DYSF: variants seen among roughly 807,000 people sequenced by gnomAD.
DYSF encodes the protein dysferlin, also known as dystrophy-associated fer-1-like 1.
Under a neutral mutation model 274.9 loss-of-function variants are expected in DYSF, and 212 were observed. That is an observed-to-expected ratio of 0.77 (90% CI 0.69 to 0.86). DYSF has a LOEUF of 0.86. Among genes scored for constraint, DYSF ranks in the 40% least tolerant of loss-of-function variants. DYSF has a pLI of 0.00. For missense variants in DYSF, 2,666 were observed against 2,783.2 expected (o/e 0.96, Z 0.95); for synonymous variants, 1,091 against 1,078.7 (o/e 1.01, Z -0.22).
At chr2:71,553,553 G>A (rs1387061492) in intron 20 of DYSF, among the ~76,000 whole-genome samples, 1 of 152,168 alleles carries the variant, frequency 6.6e-6, no homozygotes, top group Admixed American at 6.5e-5. Flanking sequence ...AGCTGCAGCT[G>A]TCTGCTCAAC....
At chr2:71,670,928 A>G (rs532400113) in intron 51 of DYSF, among the ~76,000 whole-genome samples, 76 of 152,262 alleles carry the variant, frequency 5.0e-4, no homozygotes, top group African/African-American at 1.8e-3. Flanking sequence ...CCTCTCTGGC[A>G]TCTAGATTCT....
chr2:71,633,212 G>A (rs560912377), intron 41 of DYSF, among the ~76,000 whole-genome samples: 5 of 152,284 alleles, frequency 3.3e-5, no homozygotes, highest in African/African-American at 4.8e-5. Context: ...GCTTTGGGGG[G>A]CATAAGTGAT....
intron 22 of DYSF, among the ~76,000 whole-genome samples, chr2:71,557,193 A>G (rs2091401776): frequency 6.6e-6 from 1 of 152,176 alleles, no homozygotes; most frequent in African/African-American, 2.4e-5. Flanking sequence ...TGGGCAGAGG[A>G]GGTAAAGTGC....
At chr2:71,617,686 TG>T (rs2093921206) in intron 40 of DYSF, among the ~76,000 whole-genome samples, 2 of 104,734 alleles carry the variant, frequency 1.9e-5, no homozygotes, top group African/African-American at 3.9e-5. Flanking sequence ...GTGGTAGAGG[TG>T]GGGTGTGTGC....
intron 1 of DYSF, among the ~76,000 whole-genome samples, chr2:71,459,897 C>T (rs1325169159): frequency 6.6e-6 from 1 of 152,138 alleles, no homozygotes; most frequent in Non-Finnish European, 1.5e-5. Context: ...CCCCGAAACA[C>T]TGCAATAAGC....
intron 53 of DYSF, 113 bp downstream of exon 53, chr2:71,679,348 C>T (rs2095266852): frequency 1.9e-6 from 2 of 1,066,690 alleles, no homozygotes; most frequent in Admixed American, 2.1e-5. Context: ...CCTCCTTTCT[C>T]CCCCTCTCCT....
rs544083327 is a variant in DYSF, at chr2:71,600,968, C to G, written c.3897+126C>G. ...CCTGCTGAGACCCATTTTCTGAACC[C>G]TAAGTCAGGACACCATCTAACATCG... On this transcript the variant is annotated intron_variant, in intron 34 of 55. Transcript: ENST00000410020. 16 of 1,280,448 alleles carry G rather than the reference C, an allele frequency of 1.2e-5. No individual in the cohort carries two copies. In the South Asian group the frequency reaches 2.0e-4, roughly 16 times the overall value. The allele number at this position is 1,280,448 out of a possible 1,614,324, so 79.3% of individuals were successfully genotyped here.
chr2:71,513,497 A>C (rs1055209409), intron 6 of DYSF, among the ~76,000 whole-genome samples, 165 bp downstream of exon 6: 1 of 152,176 alleles, frequency 6.6e-6, no homozygotes, highest in Non-Finnish European at 1.5e-5. Context: ...CTGTTGACTA[A>C]CTGGACTGAC....
At chr2:71,655,672 T>C (rs1429249759) in intron 42 of DYSF, among the ~76,000 whole-genome samples, 1 of 152,264 alleles carries the variant, frequency 6.6e-6, no homozygotes, top group Non-Finnish European at 1.5e-5. Flanking sequence ...ATCCTGTATG[T>C]GAACATTTTT....
chr2:71,648,342 G>A lies in DYSF; in HGVS notation c.4626+4279G>A, dbSNP rs568930460. 2.0e-5 allele frequency among the ~76,000 whole-genome samples: 3 copies of A among 152,284 alleles called. No individual in the cohort carries two copies. In the East Asian group the frequency reaches 5.8e-4, roughly 29 times the overall value. ...AGAAAGAGATGAAAACGTGAAGTTG[G>A]AAGGAGCACAGGGCAGAAGGGCCAC... On this transcript the variant is annotated intron_variant, in intron 42 of 55. Transcript: ENST00000410020.
At chr2:71,548,144 C>G (rs777204396) in intron 17 of DYSF, among the ~76,000 whole-genome samples, 2 of 152,190 alleles carry the variant, frequency 1.3e-5, no homozygotes, top group Non-Finnish European at 2.9e-5. Context: ...GCCCTGGTGT[C>G]TGCTGGCTGG....
rs187365387 is a variant in DYSF at position 71,641,144 on chromosome 2, A to G, written c.4528-2821A>G. ...TTTTCTCATTCCTAATAGTATATCT[A>G]CTTTTAAAAATTAGATTTGATAAAT... On this transcript the variant is annotated intron_variant, in intron 41 of 55. Coordinates refer to ENST00000410020, the MANE Select transcript of DYSF (RefSeq NM_001130987.2). 2.6e-4 allele frequency among the ~76,000 whole-genome samples: 38 copies of G among 148,724 alleles called. No individual in the cohort carries two copies. In the East Asian group the frequency reaches 4.3e-3, roughly 17 times the overall value.
At chr2:71,651,763 A>G (rs1233997705) in intron 42 of DYSF, among the ~76,000 whole-genome samples, 1 of 152,208 alleles carries the variant, frequency 6.6e-6, no homozygotes, top group Non-Finnish European at 1.5e-5. Flanking sequence ...TAGAGAAATA[A>G]TAGCAAATGA....
At chr2:71,602,743 C>T (rs2093575655) in intron 35 of DYSF, 33 bp from the exon 36 acceptor site, 1 of 1,610,988 alleles carries the variant, frequency 6.2e-7, no homozygotes, top group Non-Finnish European at 8.5e-7. Flanking sequence ...TCACCATCTC[C>T]TGGATGTGCC....
At position 71,481,914 on chromosome 2, in the gene DYSF, C is replaced by T. The variant is rs772399155; in HGVS notation, c.183C>T (p.Asp61=). 6.2e-7 allele frequency: 1 copy of T among 1,614,178 alleles called. No homozygotes were observed. The highest frequency in any genetic ancestry group is 8.5e-7 in the Non-Finnish European group (1 of 1,180,034). Residue 61 remains aspartate (D), a synonymous_variant, in exon 3 of 56, where the codon GAC becomes GAT. Coordinates refer to ENST00000410020, the MANE Select transcript of DYSF (RefSeq NM_001130987.2). ...GGGACCTCAAGGGCATCCCCCTGGA[C>T]CAGGGCTCTGAGCTTCATGTGGTGG... ...FEWDLKGIPL[D]QGSELHVVVK...
At chr2:71,476,529 G>A (rs1361773262) in intron 1 of DYSF, among the ~76,000 whole-genome samples, 2 of 149,222 alleles carry the variant, frequency 1.3e-5, no homozygotes, top group South Asian at 2.1e-4. Flanking sequence ...TGACTGGAGT[G>A]AGACTCCATC....
intron 49 of DYSF, 68 bp from the exon 50 acceptor site, chr2:71,669,044 T>A (rs1350036091): frequency 2.1e-6 from 3 of 1,443,618 alleles, no homozygotes; most frequent in Non-Finnish European, 2.9e-6. Flanking sequence ...CTTGGCTTCT[T>A]GGCTTCTTAA....
rs59780652 is a variant in DYSF, at chr2:71,484,045, CTTTTTT to C, written c.239+2095_239+2100del. 5.9e-3 allele frequency among the ~76,000 whole-genome samples: 400 copies of C among 67,598 alleles called. 1 individual carries two copies. The highest frequency in any genetic ancestry group is 0.022 in the African/African-American group (355 of 16,394). The allele number at this position is 67,598 out of a possible 152,430, so 44.3% of individuals were successfully genotyped here. A position where few individuals can be genotyped will look rare whatever the true frequency, so the allele number is the denominator to read the frequency against. On this transcript the variant is annotated intron_variant, in intron 3 of 55. Coordinates refer to ENST00000410020, the MANE Select transcript of DYSF (RefSeq NM_001130987.2). ...TTACAGGCTCTGTGGGGAGATTTCC[CTTTTTT>C]TTTTTTTTTTTTTTTTTTTGAGACG...
intron 30 of DYSF, among the ~76,000 whole-genome samples, chr2:71,583,268 C>T (rs2092956764): frequency 2.0e-5 from 3 of 152,298 alleles, no homozygotes; most frequent in African/African-American, 7.2e-5. Context: ...CCCCTGACCC[C>T]TTTTACATAA....
Sources: gnomAD v4.1 joint callset for allele counts (sites outside exome capture counted in the v4.1 genomes callset) on GRCh38, gnomAD v4.1.1 for gene constraint, MANE v1.5 for transcripts, NCBI Gene and HGNC (gene_info 2026-07-23, HGNC 2026-07-21) for gene names.